SLC4A4: variants seen among roughly 807,000 people sequenced by gnomAD.
SLC4A4 encodes electrogenic sodium bicarbonate cotransporter 1.
Under a neutral mutation model 111.5 loss-of-function variants are expected in SLC4A4, and 27 were observed. That is an observed-to-expected ratio of 0.24 (90% CI 0.18 to 0.33). The LOEUF (loss-of-function observed/expected upper bound fraction) is 0.33. SLC4A4 is among the 10% of genes least tolerant of loss of function. SLC4A4 has a pLI of 1.00. For missense variants in SLC4A4, 909 were observed against 1,315.5 expected, an observed-to-expected ratio of 0.69 and a Z score of 4.78; for synonymous variants, 443 against 463.4, an observed-to-expected ratio of 0.96 and a Z score of 0.57.
At chr4:71,232,767 G>A (rs1719522901) in intron 1 of SLC4A4, among the ~76,000 whole-genome samples, 1 of 152,132 alleles carries the variant, frequency 6.6e-6, no homozygotes, top group Non-Finnish European at 1.5e-5. Flanking sequence ...TTAGGCACAA[G>A]GCTAAACATT....
At chr4:71,434,785 TAGAG>T (rs1456842879) in intron 7 of SLC4A4, among the ~76,000 whole-genome samples, 3 of 151,760 alleles carry the variant, frequency 2.0e-5, no homozygotes, top group African/African-American at 7.3e-5. Flanking sequence ...AATAGACAAA[TAGAG>T]AGCCAAATCA....
chr4:71,140,721 A>G (rs142728679), intron 2 of SLC4A4, among the ~76,000 whole-genome samples: 43 of 152,194 alleles, frequency 2.8e-4, no homozygotes, highest in African/African-American at 6.7e-4. Context: ...TCCTCATCAT[A>G]TGACGATCTG....
rs376025156 is a variant in SLC4A4, at chr4:71,565,257, T to C, written c.3196+1368T>C. Among the ~76,000 whole-genome samples, 31 of 152,006 alleles carry C rather than the reference T, an allele frequency of 2.0e-4. No homozygotes were observed. In the East Asian group the frequency reaches 2.9e-3, roughly 14 times the overall value. ...TCATAGCCGAAGTGTGAATTGGCCT[T>C]ATGTTCCCTGCCTCCAGACACTGTT... On this transcript the variant is annotated intron_variant, in intron 24 of 25. Transcript: ENST00000264485.
At chr4:71,228,322 G>C (rs964384972) in intron 1 of SLC4A4, among the ~76,000 whole-genome samples, 1 of 152,146 alleles carries the variant, frequency 6.6e-6, no homozygotes, top group South Asian at 2.1e-4. Flanking sequence ...CTAATAGTTT[G>C]AGGGACAGTT....
At chr4:71,305,528 C>T (rs1477323657) in intron 3 of SLC4A4, among the ~76,000 whole-genome samples, 6 of 152,156 alleles carry the variant, frequency 3.9e-5, no homozygotes, top group Non-Finnish European at 8.8e-5. Context: ...TTAAATCATG[C>T]AGTTTTAGCA....
chr4:71,480,600 A>G (rs1728785703), intron 14 of SLC4A4, among the ~76,000 whole-genome samples: 1 of 151,794 alleles, frequency 6.6e-6, no homozygotes, highest in Non-Finnish European at 1.5e-5. Flanking sequence ...ACCCTTAAAT[A>G]AATCTGACAT....
intron 7 of SLC4A4, among the ~76,000 whole-genome samples, chr4:71,429,667 C>CT (rs1246459687): frequency 1.3e-5 from 2 of 152,094 alleles, no homozygotes; most frequent in Non-Finnish European, 2.9e-5. Context: ...AAATTCACTC[C>CT]TCTGAAGCCT....
At chr4:71,248,397 GAGAT>G in intron 2 of SLC4A4, among the ~76,000 whole-genome samples, 1 of 150,458 alleles carries the variant, frequency 6.6e-6, no homozygotes. Context: ...AGATTATATA[GAGAT>G]AGATATATAG....
At chr4:71,091,836 A>G (rs1742400127) in intron 1 of SLC4A4, among the ~76,000 whole-genome samples, 2 of 152,200 alleles carry the variant, frequency 1.3e-5, no homozygotes, top group African/African-American at 4.8e-5. Context: ...TCCCAAATAT[A>G]ACAGTATCTG....
rs534669618 is a variant in SLC4A4, at chr4:71,457,391, A to G, written c.1497+3722A>G. On this transcript the variant is annotated intron_variant, in intron 12 of 25. Transcript: ENST00000264485. ...TAGGCTGCTCTGAGAGAACTCTGGG[A>G]CTTACAGAATGGGTATTCACAAATT... 4.6e-5 allele frequency among the ~76,000 whole-genome samples: 7 copies of G among 152,254 alleles called. No homozygotes were observed. The South Asian group carries it at 1.5e-3, about 32-fold the overall frequency.
chr4:71,477,361 T>G (rs899596331), intron 14 of SLC4A4, among the ~76,000 whole-genome samples: 3 of 151,766 alleles, frequency 2.0e-5, no homozygotes, highest in African/African-American at 4.8e-5. Context: ...CTTATAATAG[T>G]TGTATTCTTT....
chr4:71,553,981 A>T, intron 20 of SLC4A4, among the ~76,000 whole-genome samples: 1 of 151,868 alleles, frequency 6.6e-6, no homozygotes, highest in East Asian at 1.9e-4. Context: ...ATAAATAAGG[A>T]TATTTATTTC....
intron 2 of SLC4A4, among the ~76,000 whole-genome samples, chr4:71,131,336 T>C (rs894883053): frequency 6.6e-6 from 1 of 152,188 alleles, no homozygotes; most frequent in African/African-American, 2.4e-5. Flanking sequence ...GCAGAGGTCC[T>C]CCTTGCTCAG....
At chr4:71,320,181 A>AT (rs1370598340) in intron 3 of SLC4A4, among the ~76,000 whole-genome samples, 3 of 152,010 alleles carry the variant, frequency 2.0e-5, no homozygotes, top group Non-Finnish European at 4.4e-5. Context: ...ATTCATTTTC[A>AT]TATTACTAGA....
At chr4:71,217,499 A>T (rs1163519426) in intron 1 of SLC4A4, among the ~76,000 whole-genome samples, 1 of 152,022 alleles carries the variant, frequency 6.6e-6, no homozygotes, top group African/African-American at 2.4e-5. Flanking sequence ...GGAGGTGGAG[A>T]TTGTCATGAG....
chr4:71,461,742 TA>T lies in SLC4A4; in HGVS notation c.1498-4695del, dbSNP rs371735651. 1.1e-4 allele frequency among the ~76,000 whole-genome samples: 17 copies of T among 152,282 alleles called. No individual in the cohort carries two copies. In the East Asian group the frequency reaches 2.3e-3, roughly 21 times the overall value. ...GGGACTTGTCCTAATTTCTTGACTT[TA>T]AAAAAACATGGGCCAAACACGGGCC... On this transcript the variant is annotated intron_variant, in intron 12 of 25. Coordinates refer to ENST00000264485, the MANE Select transcript of SLC4A4 (RefSeq NM_001098484.3).
At chr4:71,397,473 T>A (rs1719928352) in intron 6 of SLC4A4, 104 bp from the exon 7 acceptor site, 2 of 1,021,632 alleles carry the variant, frequency 2.0e-6, no homozygotes, top group African/African-American at 3.2e-5. Context: ...AAAAGTATCA[T>A]CACCATTTCC....
chr4:71,277,347 A>G (rs1723144023), intron 3 of SLC4A4, among the ~76,000 whole-genome samples: 1 of 152,172 alleles, frequency 6.6e-6, no homozygotes, highest in South Asian at 2.1e-4. Context: ...TGATAGTTGT[A>G]TAGTGATAAT....
intron 2 of SLC4A4, among the ~76,000 whole-genome samples, chr4:71,239,421 C>T (rs1029520870): frequency 2.0e-5 from 3 of 152,144 alleles, no homozygotes; most frequent in Non-Finnish European, 4.4e-5. Flanking sequence ...TTGGAGTCAG[C>T]TCAACCTGAA....
Sources: gnomAD v4.1 joint callset for allele counts (sites outside exome capture counted in the v4.1 genomes callset) on GRCh38, gnomAD v4.1.1 for gene constraint, MANE v1.5 for transcripts, NCBI Gene and HGNC (gene_info 2026-07-23, HGNC 2026-07-21) for gene names.